The following ZNF791 variants were observed in gnomAD, a reference collection of about 807,000 sequenced individuals.
ZNF791 encodes the protein zinc finger protein 791.
A neutral mutation model predicts 11.5 loss-of-function variants in ZNF791; 4 were observed. The observed-to-expected ratio is 0.35, with a 90% CI of 0.17 to 0.80. The LOEUF is 0.80. Ranked by LOEUF, ZNF791 falls within the 30% of genes least tolerant of loss-of-function variation. The pLI is 0.53. For missense variants in ZNF791, 559 were observed against 699.4 expected (o/e 0.80, Z 2.26); for synonymous variants, 212 against 228.1 (o/e 0.93, Z 0.64).
intron 1 of ZNF791, among the ~76,000 whole-genome samples, chr19:12,613,024 G>A (rs372878331): frequency 2.0e-5 from 3 of 151,664 alleles, no homozygotes; most frequent in South Asian, 4.2e-4. Flanking sequence ...CATCTGTAAG[G>A]TAGGTACACT....
chr19:12,619,719 G>C (rs932795230), intron 1 of ZNF791, among the ~76,000 whole-genome samples: 1 of 151,788 alleles, frequency 6.6e-6, no homozygotes, highest in Non-Finnish European at 1.5e-5. Context: ...CAAGTGCTGG[G>C]ATTACAGGCG....
At position 12,628,404 on chromosome 19, in the gene ZNF791, G is replaced by T. The variant is rs1033765195; in HGVS notation, c.875G>T (p.Arg292Ile). 1.2e-6 allele frequency: 2 copies of T among 1,608,020 alleles called. No homozygotes were observed. The highest frequency in any genetic ancestry group is 2.7e-5 in the African/African-American group (2 of 74,734). Residue 292 changes from arginine to isoleucine, a missense_variant, in exon 4 of 4, where the codon AGA becomes ATA. Coordinates refer to ENST00000343325, the MANE Select transcript of ZNF791 (RefSeq NM_153358.3). Reference sequence around the variant, plus strand: ...CCCAGTTTTTTACGAGTACATGAAAGAATTCACACTGGAGAGAAACCCTAT... The same window carrying T: ...CCCAGTTTTTTACGAGTACATGAAATAATTCACACTGGAGAGAAACCCTAT... ...IFPSFLRVHE[R>I]IHTGEKPYKC...
At chr19:12,617,798 T>TA (rs2023268826) in intron 1 of ZNF791, among the ~76,000 whole-genome samples, 3 of 141,260 alleles carry the variant, frequency 2.1e-5, no homozygotes, top group African/African-American at 8.0e-5. Flanking sequence ...GACAGGGTAT[T>TA]ACCCTGTCAC....
Position 12,624,655 on chromosome 19 carries a change from A to C in ZNF791, c.136A>C (p.Lys46Gln). 3 of 1,604,970 alleles carry C rather than the reference A, an allele frequency of 1.9e-6. No individual in the cohort carries two copies. Among genetic ancestry groups the C allele is most frequent in the Non-Finnish European group, 2.6e-6 (3 of 1,175,328 alleles). The change falls in exon 3 of 4, where the codon AAA (lysine) becomes CAA (glutamine). Residue 46 changes from lysine to glutamine, a missense_variant. Transcript: ENST00000343325. Reference sequence around the variant, plus strand: ...ATTCTTGATCTACATTTTAGGGGAAAAATGGGAAGACCCGAATGTTGAAGA... The same window carrying C: ...ATTCTTGATCTACATTTTAGGGGAACAATGGGAAGACCCGAATGTTGAAGA... ...TFKNLASIGE[K>Q]WEDPNVEDQH... is the part of the protein sequence containing the mutation.
Position 12,628,337 on chromosome 19 carries a change from A to G in ZNF791, c.808A>G (p.Arg270Gly). The change falls in exon 4 of 4, where the codon AGA (arginine) becomes GGA (glycine). Residue 270 changes from arginine (R) to glycine (G), a missense_variant. Transcript: ENST00000343325. The part of the protein sequence containing the change: ...LTHMITHNGD[R>G]PYKCKECGKA... Reference sequence around the variant, plus strand: ...ACACATGATAACACACAACGGAGATAGACCTTATAAATGCAAAGAATGTGG... The same window carrying G: ...ACACATGATAACACACAACGGAGATGGACCTTATAAATGCAAAGAATGTGG... 6.2e-7 allele frequency: 1 copy of G among 1,612,350 alleles called. No homozygotes were observed. The highest frequency in any genetic ancestry group is 1.1e-5 in the South Asian group (1 of 90,714).
chr19:12,618,519 T>C (rs986403646), intron 1 of ZNF791, among the ~76,000 whole-genome samples: 11 of 151,394 alleles, frequency 7.3e-5, no homozygotes, highest in Non-Finnish European at 1.5e-5. Context: ...AAAAATAAAA[T>C]AAAGGCCGAG....
At chr19:12,612,995 A>C (rs1429995680) in intron 1 of ZNF791, among the ~76,000 whole-genome samples, 1 of 151,426 alleles carries the variant, frequency 6.6e-6, no homozygotes, top group African/African-American at 2.4e-5. Flanking sequence ...GTGTTTTTAG[A>C]CATTACATTT....
intron 3 of ZNF791, among the ~76,000 whole-genome samples, chr19:12,627,191 C>CA (rs75550421): frequency 0.074 from 8,520 of 115,428 alleles, 318 homozygotes; most frequent in Non-Finnish European, 0.11. Flanking sequence ...AAAATGAAAC[C>CA]AAAAAAAAAA....
At chr19:12,618,326 A>G (rs1568287086) in intron 1 of ZNF791, among the ~76,000 whole-genome samples, 1 of 152,104 alleles carries the variant, frequency 6.6e-6, no homozygotes, top group Non-Finnish European at 1.5e-5. Flanking sequence ...AGCCTAGGCA[A>G]CATAGTGAGA....
In ZNF791 at chr19:12,632,209, C is replaced by T. The variant is rs918194989; in HGVS notation, c.*2949C>T. 6 of 151,852 alleles carry T rather than the reference C, an allele frequency of 4.0e-5. No individual in the cohort carries two copies. Among genetic ancestry groups the T allele is most frequent in the African/African-American group, 1.5e-4 (6 of 41,322 alleles). 9.4% of individuals were successfully genotyped at this position (151,852 alleles called of 1,614,324 possible). On this transcript the variant is annotated 3_prime_UTR_variant, in exon 4 of 4. Transcript: ENST00000343325. ...CAATCTCCTGACCTCGTGATTCGAC[C>T]GCCTCAGCCTCCCAAAGTGCTGGGA... is the stretch of plus-strand genomic sequence containing the variant.
chr19:12,629,856 C>CT lies in ZNF791; in HGVS notation c.*597dup, dbSNP rs1005267621. On this transcript the variant is annotated 3_prime_UTR_variant, in exon 4 of 4. Transcript: ENST00000343325. ...GAGATCCGGCCAACAGAGCGAGACT[C>CT]TGTCTCAAAAAAAAAAAAAAAAAAA... 20 of 133,412 alleles carry CT rather than the reference C, an allele frequency of 1.5e-4. No individual in the cohort carries two copies. The highest frequency in any genetic ancestry group is 5.5e-4 in the African/African-American group (19 of 34,364). The allele number at this position is 133,412 out of a possible 1,614,324, so 8.3% of individuals were successfully genotyped here. A position where few individuals can be genotyped will look rare whatever the true frequency, so the allele number is the denominator to read the frequency against.
intron 1 of ZNF791, chr19:12,612,205 T>TA: frequency 1.2e-5 from 10 of 824,032 alleles, no homozygotes; most frequent in Non-Finnish European, 1.5e-5. Context: ...ATTATTATTT[T>TA]CTTTTTTTTT....
chr19:12,614,832 A>G (rs1204414769), intron 1 of ZNF791, among the ~76,000 whole-genome samples: 3 of 129,018 alleles, frequency 2.3e-5, no homozygotes, highest in South Asian at 5.5e-4. Flanking sequence ...CACCTAGGTG[A>G]TCTGCCCACC....
In ZNF791 at chr19:12,622,431, A is replaced by C. The variant is rs867881390; in HGVS notation, c.4-1269A>C. On this transcript the variant is annotated intron_variant, in intron 1 of 3. Transcript: ENST00000343325. Reference sequence around the variant, plus strand: ...TCAAACAAAAAAAAAAAAAAAAAAAAACCTCCACCTCATTTAATCCCATAT... The same window carrying C: ...TCAAACAAAAAAAAAAAAAAAAAAACACCTCCACCTCATTTAATCCCATAT... 3.8e-3 allele frequency among the ~76,000 whole-genome samples: 550 copies of C among 146,498 alleles called. 2 individuals are homozygous for C. The highest frequency in any genetic ancestry group is 0.013 in the African/African-American group (528 of 40,022).
chr19:12,611,071 G>T lies in ZNF791; in HGVS notation c.-9G>T. Reference sequence around the variant, plus strand: ...AGGGACAACACCGGGACACCCGCGAGGCCGGAAAATGGTGAGTGTGCAGGG... The same window carrying T: ...AGGGACAACACCGGGACACCCGCGATGCCGGAAAATGGTGAGTGTGCAGGG... On this transcript the variant is annotated 5_prime_UTR_variant, in exon 1 of 4. In the 5' UTR this introduces an upstream ATG that the reference lacks. Coordinates refer to ENST00000343325, the MANE Select transcript of ZNF791 (RefSeq NM_153358.3). The T allele has an allele frequency of 1.9e-6, 3 of 1,614,166 alleles. No homozygotes were observed. Among genetic ancestry groups the T allele is most frequent in the South Asian group, 1.1e-5 (1 of 91,090 alleles).
intron 1 of ZNF791, 105 bp downstream of exon 1, chr19:12,611,187 A>G: frequency 6.8e-7 from 1 of 1,477,280 alleles, no homozygotes. Context: ...GGCAGCTGGA[A>G]CTCCAAGCGT....
intron 1 of ZNF791, among the ~76,000 whole-genome samples, chr19:12,622,431 A>AAAC (rs1568288633): frequency 6.8e-6 from 1 of 146,406 alleles, no homozygotes; most frequent in African/African-American, 2.5e-5. Flanking sequence ...AAAAAAAAAA[A>AAAC]ACCTCCACCT....
chr19:12,628,654 A>G lies in ZNF791; in HGVS notation c.1125A>G (p.Glu375=). 6.2e-7 allele frequency: 1 copy of G among 1,606,164 alleles called. No individual in the cohort carries two copies. The highest frequency in any genetic ancestry group is 1.3e-5 in the African/African-American group (1 of 74,554). ...FSRISYFRIH[E]RTHTGEKPYE... Reference sequence around the variant, plus strand: ...GAATCAGTTACTTTCGAATACATGAAAGGACTCACACTGGAGAGAAACCCT... The same window carrying G: ...GAATCAGTTACTTTCGAATACATGAGAGGACTCACACTGGAGAGAAACCCT... The change falls in exon 4 of 4, where the codon GAA becomes GAG. Residue 375 remains glutamate, a synonymous_variant. Coordinates refer to ENST00000343325, the MANE Select transcript of ZNF791 (RefSeq NM_153358.3).
At chr19:12,623,510 G>C in intron 1 of ZNF791, 190 bp from the exon 2 acceptor site, 1 of 627,702 alleles carries the variant, frequency 1.6e-6, no homozygotes, top group East Asian at 3.0e-5. Context: ...GAGAGCAATA[G>C]GACTTACAGT....
Sources: allele counts gnomAD v4.1 joint callset (sites outside exome capture counted in the v4.1 genomes callset), GRCh38; gene constraint gnomAD v4.1.1; transcripts MANE v1.5; gene names NCBI Gene and HGNC (gene_info 2026-07-23, HGNC 2026-07-21).